Variants in CMSS1 observed in about 807,000 individuals in gnomAD.
The protein encoded by CMSS1 is protein CMSS1.
A neutral mutation model predicts 43.5 loss-of-function variants in CMSS1; 33 were observed. The ratio of observed to expected loss-of-function variants is 0.76; its 90% CI spans 0.57 to 1.01. The LOEUF is 1.01. CMSS1 is among the 50% of genes least tolerant of loss of function. The pLI is 0.00. For missense variants in CMSS1, 313 were observed against 326.4 expected (o/e 0.96, Z 0.32); for synonymous variants, 115 against 117.2 (o/e 0.98, Z 0.12).
intron 1 of CMSS1, among the ~76,000 whole-genome samples, chr3:99,846,019 C>T (rs1170345371): frequency 3.3e-5 from 5 of 152,152 alleles, no homozygotes; most frequent in Non-Finnish European, 5.9e-5. Context: ...ATGGTGTTAA[C>T]TTTATTATAG....
intron 1 of CMSS1, among the ~76,000 whole-genome samples, chr3:100,098,608 A>C (rs1427540826): frequency 6.6e-6 from 1 of 152,176 alleles, no homozygotes; most frequent in Non-Finnish European, 1.5e-5. Context: ...CATGCAAGGA[A>C]GTTATTTTTG....
intron 1 of CMSS1, among the ~76,000 whole-genome samples, chr3:99,911,923 A>C (rs756719319): frequency 3.3e-5 from 5 of 152,204 alleles, no homozygotes; most frequent in Non-Finnish European, 5.9e-5. Context: ...ACATATAACC[A>C]AAATGTTCGT....
intron 1 of CMSS1, among the ~76,000 whole-genome samples, chr3:99,957,693 C>CTTTCTTTTTTTTTTTT: frequency 5.0e-5 from 1 of 19,894 alleles, no homozygotes; most frequent in Non-Finnish European, 1.1e-4. Context: ...TTCTTTCTTT[C>CTTTCTTTTTTTTTTTT]TTTTTTTTTT....
At chr3:99,991,423 A>C (rs1322460164) in intron 1 of CMSS1, among the ~76,000 whole-genome samples, 2 of 152,058 alleles carry the variant, frequency 1.3e-5, no homozygotes, top group South Asian at 4.2e-4. Context: ...TGATTTTATA[A>C]TTTTTTAATT....
At chr3:99,847,715 T>A (rs949132391) in intron 1 of CMSS1, among the ~76,000 whole-genome samples, 2 of 152,330 alleles carry the variant, frequency 1.3e-5, no homozygotes, top group Admixed American at 6.5e-5. Flanking sequence ...AAAGATCTTA[T>A]AGTTCACTTT....
At chr3:100,170,356 G>T (rs1057485316) in intron 6 of CMSS1, among the ~76,000 whole-genome samples, 2 of 152,162 alleles carry the variant, frequency 1.3e-5, no homozygotes, top group African/African-American at 4.8e-5. Flanking sequence ...TGAGAAACAG[G>T]TTGTGAAAAT....
intron 1 of CMSS1, among the ~76,000 whole-genome samples, chr3:99,828,245 C>T (rs12491153): frequency 0.051 from 7,728 of 152,066 alleles, 296 homozygotes; most frequent in South Asian, 0.13. Context: ...ACTACTTTTC[C>T]TAACCCTGTC....
intron 1 of CMSS1, among the ~76,000 whole-genome samples, chr3:99,857,252 C>G (rs549959224): frequency 6.6e-6 from 1 of 152,184 alleles, no homozygotes; most frequent in Non-Finnish European, 1.5e-5. Flanking sequence ...GAGTGGGTTT[C>G]CCATCAGTGT....
chr3:100,132,144 G>T (rs1025235957), intron 1 of CMSS1, among the ~76,000 whole-genome samples: 1 of 152,186 alleles, frequency 6.6e-6, no homozygotes, highest in Admixed American at 6.5e-5. Context: ...GGTGACTCAC[G>T]CCTGTAATCG....
chr3:99,868,082 G>C (rs1458608399), intron 1 of CMSS1, among the ~76,000 whole-genome samples: 1 of 152,130 alleles, frequency 6.6e-6, no homozygotes, highest in Non-Finnish European at 1.5e-5. Context: ...TTTTTTGTGG[G>C]TGCATGGTAA....
At chr3:99,870,250 TAG>T (rs1399972469) in intron 1 of CMSS1, among the ~76,000 whole-genome samples, 1 of 151,978 alleles carries the variant, frequency 6.6e-6, no homozygotes, top group African/African-American at 2.4e-5. Flanking sequence ...CTAAGAAGAG[TAG>T]AACTCTGATT....
intron 1 of CMSS1, among the ~76,000 whole-genome samples, chr3:99,851,599 G>GT (rs1353594208): frequency 2.0e-5 from 3 of 152,184 alleles, no homozygotes; most frequent in Non-Finnish European, 2.9e-5. Context: ...CTGGCACATG[G>GT]TAAGCATTTG....
chr3:99,907,023 CTT>C (rs1462475168), intron 1 of CMSS1, among the ~76,000 whole-genome samples: 1 of 152,030 alleles, frequency 6.6e-6, no homozygotes, highest in East Asian at 1.9e-4. Context: ...TAATTTAAAA[CTT>C]GTTTGAATAA....
intron 1 of CMSS1, among the ~76,000 whole-genome samples, chr3:100,081,645 G>GT (rs2065933892): frequency 6.6e-6 from 1 of 152,078 alleles, no homozygotes. Flanking sequence ...TTTTATGAGA[G>GT]TAACAGTCAT....
chr3:100,057,437 T>C (rs1010041863), intron 1 of CMSS1, among the ~76,000 whole-genome samples: 2 of 152,224 alleles, frequency 1.3e-5, no homozygotes, highest in African/African-American at 4.8e-5. Context: ...AATCTGCTTA[T>C]AAATTGGAAT....
chr3:99,962,432 A>C (rs180686813), intron 1 of CMSS1, among the ~76,000 whole-genome samples: 1 of 152,280 alleles, frequency 6.6e-6, no homozygotes, highest in Non-Finnish European at 1.5e-5. Flanking sequence ...AATATTTTGT[A>C]TATTATCTTT....
At chr3:99,988,527 A>ATG (rs61144932) in intron 1 of CMSS1, among the ~76,000 whole-genome samples, 2 of 130,214 alleles carry the variant, frequency 1.5e-5, no homozygotes, top group Non-Finnish European at 3.2e-5. Flanking sequence ...AAAAAAAAAA[A>ATG]AAAGAAAGAA....
intron 1 of CMSS1, chr3:99,833,236 CA>C (rs1462043101): frequency 1.2e-6 from 2 of 1,612,116 alleles, no homozygotes; most frequent in Admixed American, 3.3e-5. Flanking sequence ...ATGTTGAGTT[CA>C]ATGAGGCAGA....
At chr3:99,866,538 T>G (rs552292136) in intron 1 of CMSS1, among the ~76,000 whole-genome samples, 1 of 152,328 alleles carries the variant, frequency 6.6e-6, no homozygotes, top group East Asian at 1.9e-4. Flanking sequence ...AGGACTTTTT[T>G]GGGTCCTCGA....
Sources: allele counts gnomAD v4.1 joint callset (sites outside exome capture counted in the v4.1 genomes callset), GRCh38; gene constraint gnomAD v4.1.1; transcripts MANE v1.5; gene names NCBI Gene and HGNC (gene_info 2026-07-23, HGNC 2026-07-21).